Variants in VWDE observed in about 807,000 individuals in gnomAD.
The protein encoded by VWDE is von Willebrand factor D and EGF domains, also known as von Willebrand factor D and EGF domain-containing protein.
A neutral mutation model predicts 178.4 loss-of-function variants in VWDE; 207 were observed. The observed-to-expected ratio is 1.16, with a 90% CI of 1.04 to 1.30. VWDE has a LOEUF of 1.30. Ranked by LOEUF, VWDE falls within the 50% of genes most tolerant of loss-of-function variation. The probability of loss-of-function intolerance (pLI) is 0.00; values close to 1 mark genes in which losing one functional copy is unlikely to be tolerated. For synonymous variants in VWDE, 738 were observed against 651.4 expected (o/e 1.13, Z -2.02); for missense variants, 2,287 against 1,901.3 (o/e 1.20, Z -3.77).
chr7:12,394,188 T>G (rs848005), intron 1 of VWDE, among the ~76,000 whole-genome samples: 13,433 of 152,218 alleles, frequency 0.088, 649 homozygotes, highest in African/African-American at 0.12. Flanking sequence ...AGTAGCCACA[T>G]GCCTAAAAAA....
chr7:12,347,345 T>C (rs1281445235), intron 19 of VWDE, among the ~76,000 whole-genome samples: 1 of 152,102 alleles, frequency 6.6e-6, no homozygotes, highest in Non-Finnish European at 1.5e-5. Flanking sequence ...AAAGAGCATA[T>C]GTTAGCAAAT....
chr7:12,363,094 T>C (rs574424775), intron 13 of VWDE, among the ~76,000 whole-genome samples: 2 of 152,028 alleles, frequency 1.3e-5, no homozygotes, highest in Admixed American at 6.6e-5. Context: ...ACAAAGAAAA[T>C]GACAGACAAT....
chr7:12,360,125 C>T (rs766897837), intron 15 of VWDE, among the ~76,000 whole-genome samples: 3 of 152,116 alleles, frequency 2.0e-5, no homozygotes, highest in Admixed American at 6.5e-5. Flanking sequence ...GTGAACACAG[C>T]CAACTAGACC....
chr7:12,344,130 T>C, intron 21 of VWDE, 65 bp downstream of exon 21: 1 of 1,353,136 alleles, frequency 7.4e-7, no homozygotes, highest in Non-Finnish European at 1.0e-6. Context: ...TCTTGTAAAA[T>C]GGTTTTTAAA....
intron 21 of VWDE, among the ~76,000 whole-genome samples, 152 bp downstream of exon 21, chr7:12,344,043 A>G (rs1213265838): frequency 2.6e-5 from 4 of 152,118 alleles, no homozygotes; most frequent in Admixed American, 2.6e-4. Context: ...ATTATATTTA[A>G]TAAGTATTTT....
At chr7:12,364,223 T>G (rs2128554045) in intron 13 of VWDE, among the ~76,000 whole-genome samples, 1 of 152,146 alleles carries the variant, frequency 6.6e-6, no homozygotes, top group Middle Eastern at 3.4e-3. Context: ...CGTGTGTGTA[T>G]AAGTGTACAT....
chr7:12,342,138 GTGCC>G lies in VWDE; in HGVS notation c.4187_4190del (p.Arg1396ThrfsTer73), dbSNP rs1367057211. On this transcript the variant is annotated frameshift_variant, in exon 23 of 29. Coordinates refer to ENST00000275358, the MANE Select transcript of VWDE (RefSeq NM_001135924.3). LOFTEE classifies it high-confidence loss of function. ...TAAGACACTGGCCTCCATTTTCACAGTGCCTGTTACAAACCACTGAGATCATAGA... is the reference window on the plus strand; with the variant it reads ...TAAGACACTGGCCTCCATTTTCACAGTGTTACAAACCACTGAGATCATAGA... 1 of 1,551,302 alleles carries G rather than the reference GTGCC, an allele frequency of 6.4e-7. No individual in the cohort carries two copies. The highest frequency in any genetic ancestry group is 1.4e-5 in the African/African-American group (1 of 73,020).
chr7:12,395,083 T>G (rs957099723), intron 1 of VWDE, among the ~76,000 whole-genome samples: 2 of 152,150 alleles, frequency 1.3e-5, no homozygotes, highest in Non-Finnish European at 2.9e-5. Flanking sequence ...CTACAGAATT[T>G]TTTTTAGTAC....
chr7:12,370,348 A>G lies in VWDE; in HGVS notation c.1958T>C (p.Leu653Pro). ...CAAAGAAGATAAGCTGACATGATTGAGGTCTTTGCAACCCAAGGCAATTTC... is the reference window on the plus strand; with the variant it reads ...CAAAGAAGATAAGCTGACATGATTGGGGTCTTTGCAACCCAAGGCAATTTC... The part of the protein sequence containing the change: ...RSEIALGCKD[L>P]NHVSLSSLIP... The change falls in exon 12 of 29, where the codon CTC becomes CCC. Residue 653 changes from leucine (L) to proline (P), a missense_variant. By Grantham distance (98) the Leu-to-Pro change is moderately conservative (BLOSUM62 -3). Coordinates refer to ENST00000275358, the MANE Select transcript of VWDE (RefSeq NM_001135924.3). The G allele has an allele frequency of 4.5e-6, 7 of 1,551,224 alleles. No homozygotes were observed. The South Asian group carries it at 7.1e-5, about 16-fold the overall frequency.
At position 12,375,667 on chromosome 7, in the gene VWDE, G is replaced by A. The variant is rs1461559849; in HGVS notation, c.1025-440C>T. ...CATATGTGTTCATGTTCCATCCATT[G>A]TTGAATAGTAGCAATGGCTTTTAAT... is the stretch of plus-strand genomic sequence containing the variant. On this transcript the variant is annotated intron_variant, in intron 7 of 28. Transcript: ENST00000275358. 2.0e-5 allele frequency among the ~76,000 whole-genome samples: 3 copies of A among 151,988 alleles called. No individual in the cohort carries two copies. In the East Asian group the frequency reaches 5.8e-4, roughly 29 times the overall value.
chr7:12,368,461 G>A (rs993462430), intron 12 of VWDE, among the ~76,000 whole-genome samples: 2 of 152,040 alleles, frequency 1.3e-5, no homozygotes, highest in Non-Finnish European at 2.9e-5. Context: ...ATCCTCCGGT[G>A]AGAGGGAGCA....
intron 18 of VWDE, among the ~76,000 whole-genome samples, chr7:12,353,266 C>G (rs1032477484): frequency 6.6e-6 from 1 of 152,198 alleles, no homozygotes; most frequent in Non-Finnish European, 1.5e-5. Flanking sequence ...CTTTCTTGCT[C>G]TGTCTATACA....
In VWDE at chr7:12,403,842, A is replaced by G; in HGVS notation, c.-126T>C. On this transcript the variant is annotated 5_prime_UTR_variant, in exon 1 of 29. Transcript: ENST00000275358. Reference sequence around the variant, plus strand: ...TTCTCAGTCTGTTGCTGCTTGGAACAGGGAAGCTCCGCGTCCTCGTTCTGG... The same window carrying G: ...TTCTCAGTCTGTTGCTGCTTGGAACGGGGAAGCTCCGCGTCCTCGTTCTGG... The G allele has an allele frequency of 2.9e-6, 3 of 1,030,418 alleles. No homozygotes were observed. The highest frequency in any genetic ancestry group is 2.8e-6 in the Non-Finnish European group (2 of 703,616). The allele number at this position is 1,030,418 out of a possible 1,614,324, so 63.8% of individuals were successfully genotyped here. A position where few individuals can be genotyped will look rare whatever the true frequency, so the allele number is the denominator to read the frequency against.
intron 24 of VWDE, among the ~76,000 whole-genome samples, chr7:12,339,387 G>C (rs1377674982): frequency 6.6e-6 from 1 of 151,996 alleles, no homozygotes; most frequent in Non-Finnish European, 1.5e-5. Context: ...CTTTAGCATG[G>C]ATTTAACCAT....
At chr7:12,392,969 T>G (rs1055811837) in intron 2 of VWDE, among the ~76,000 whole-genome samples, 5 of 152,050 alleles carry the variant, frequency 3.3e-5, no homozygotes, top group Admixed American at 2.0e-4. Flanking sequence ...AGGAGAGAGA[T>G]TCAGTGAGAT....
At chr7:12,366,750 T>A (rs1289547561) in intron 13 of VWDE, among the ~76,000 whole-genome samples, 1 of 152,152 alleles carries the variant, frequency 6.6e-6, no homozygotes, top group African/African-American at 2.4e-5. Context: ...CTACATATAC[T>A]TTTGAAATTC....
intron 19 of VWDE, among the ~76,000 whole-genome samples, chr7:12,351,014 C>T (rs1043315178): frequency 6.6e-6 from 1 of 152,018 alleles, no homozygotes; most frequent in African/African-American, 2.4e-5. Context: ...AACACCGGAA[C>T]AATAAGAAAG....
At chr7:12,358,946 A>T (rs1398243547) in intron 16 of VWDE, among the ~76,000 whole-genome samples, 1 of 152,254 alleles carries the variant, frequency 6.6e-6, no homozygotes, top group Non-Finnish European at 1.5e-5. Context: ...ATGATATTAC[A>T]CAGCATTGTA....
At position 12,372,967 on chromosome 7, in the gene VWDE, T is replaced by A; in HGVS notation, c.1587+10A>T. The A allele has an allele frequency of 6.5e-7, 1 of 1,548,864 alleles. No individual in the cohort carries two copies. The highest frequency in any genetic ancestry group is 8.7e-7 in the Non-Finnish European group (1 of 1,145,520). ...GAAAAATACTTTCAATGTTAAAGAA[T>A]CATACATACTGTGACTTTTCTTCCT... is the stretch of plus-strand genomic sequence containing the variant. On this transcript the variant is annotated intron_variant, in intron 10 of 28. Transcript: ENST00000275358.
Sources: gnomAD v4.1 joint callset for allele counts (sites outside exome capture counted in the v4.1 genomes callset) on GRCh38, gnomAD v4.1.1 for gene constraint, MANE v1.5 for transcripts, NCBI Gene and HGNC (gene_info 2026-07-23, HGNC 2026-07-21) for gene names.